SEC22A: variants seen among roughly 807,000 people sequenced by gnomAD.
SEC22A encodes the protein vesicle-trafficking protein SEC22a.
Under a neutral mutation model 35.3 loss-of-function variants are expected in SEC22A, and 22 were observed. The ratio of observed to expected loss-of-function variants is 0.62; its 90% CI spans 0.45 to 0.89. The LOEUF (loss-of-function observed/expected upper bound fraction) is 0.89, where lower values mean the gene tolerates loss of function less well. Ranked by LOEUF, SEC22A falls within the 40% of genes least tolerant of loss-of-function variation. The pLI is 0.00. For missense variants in SEC22A, 354 were observed against 362.5 expected, an observed-to-expected ratio of 0.98 and a Z score of 0.19; for synonymous variants, 119 against 129.5, an observed-to-expected ratio of 0.92 and a Z score of 0.55.
chr3:123,209,253 C>G lies in SEC22A; in HGVS notation c.36C>G (p.Val12=). The change falls in exon 2 of 7, where the codon GTC becomes GTG. Residue 12 remains valine (V), a synonymous_variant. Coordinates refer to ENST00000492595, the MANE Select transcript of SEC22A (RefSeq NM_012430.5). ...SMILSASVIR[V]RDGLPLSAST... is the part of the protein sequence containing the mutation. ...TTTTATCTGCCTCAGTCATTCGTGTCAGAGATGGACTGCCACTTTCTGCTT... is the reference window on the plus strand; with the variant it reads ...TTTTATCTGCCTCAGTCATTCGTGTGAGAGATGGACTGCCACTTTCTGCTT... The G allele has an allele frequency of 6.2e-7, 1 of 1,614,064 alleles. No individual in the cohort carries two copies. Among genetic ancestry groups the G allele is most frequent in the Non-Finnish European group, 8.5e-7 (1 of 1,179,980 alleles).
At chr3:123,222,292 G>A (rs1937138302) in intron 2 of SEC22A, among the ~76,000 whole-genome samples, 1 of 151,940 alleles carries the variant, frequency 6.6e-6, no homozygotes, top group Admixed American at 6.6e-5. Context: ...TCCACCTCCT[G>A]GGTTCAAACG....
chr3:123,206,222 A>G (rs539643161), intron 1 of SEC22A, among the ~76,000 whole-genome samples: 2 of 152,146 alleles, frequency 1.3e-5, no homozygotes, highest in South Asian at 2.1e-4. Context: ...AGCCTCCCCA[A>G]AGCAAGTACT....
chr3:123,235,720 T>C (rs1937407439), intron 4 of SEC22A, among the ~76,000 whole-genome samples: 1 of 152,174 alleles, frequency 6.6e-6, no homozygotes, highest in Admixed American at 6.5e-5. Context: ...CACAAAAATA[T>C]GTGTATGAAT....
chr3:123,238,848 G>A (rs1937474334), intron 4 of SEC22A, among the ~76,000 whole-genome samples: 5 of 152,108 alleles, frequency 3.3e-5, no homozygotes, highest in Non-Finnish European at 7.4e-5. Flanking sequence ...ATTAAATGAA[G>A]GGTACTGTGT....
chr3:123,217,358 C>T (rs1465011124), intron 2 of SEC22A, among the ~76,000 whole-genome samples: 2 of 151,510 alleles, frequency 1.3e-5, no homozygotes, highest in African/African-American at 2.4e-5. Context: ...CCACCACACC[C>T]GGCTAATTTT....
chr3:123,233,654 C>A (rs1016207008), intron 4 of SEC22A, among the ~76,000 whole-genome samples: 29 of 149,828 alleles, frequency 1.9e-4, no homozygotes, highest in South Asian at 4.2e-4. Context: ...AACAAACAAA[C>A]AAAAAAAAAC....
At chr3:123,222,684 A>T (rs1256756684) in intron 2 of SEC22A, among the ~76,000 whole-genome samples, 1 of 152,212 alleles carries the variant, frequency 6.6e-6, no homozygotes, top group Non-Finnish European at 1.5e-5. Flanking sequence ...TTCTCAGGAT[A>T]TAACATCTGG....
chr3:123,270,741 A>G (rs1223310599), intron 6 of SEC22A, among the ~76,000 whole-genome samples: 1 of 152,236 alleles, frequency 6.6e-6, no homozygotes, highest in Non-Finnish European at 1.5e-5. Flanking sequence ...GGTGAATGCC[A>G]GGATGGGCAG....
chr3:123,246,016 T>G lies in SEC22A; in HGVS notation c.657+2T>G. On this transcript the variant is annotated splice_donor_variant, in intron 5 of 6. Transcript: ENST00000492595. LOFTEE classifies it high-confidence loss of function. ...CATGCTATAGAAAGTCTCCTGCAGG[T>G]ACTGTGCTATTTTTGCAATTTCAGG... 6.4e-7 allele frequency: 1 copy of G among 1,557,800 alleles called. No individual in the cohort carries two copies. The highest frequency in any genetic ancestry group is 8.8e-7 in the Non-Finnish European group (1 of 1,131,084).
chr3:123,269,253 G>T, intron 6 of SEC22A, among the ~76,000 whole-genome samples: 1 of 146,254 alleles, frequency 6.8e-6, no homozygotes, highest in East Asian at 2.0e-4. Context: ...TTTTACAGTA[G>T]CATTCCAAGC....
At chr3:123,221,841 T>C (rs1937129425) in intron 2 of SEC22A, among the ~76,000 whole-genome samples, 1 of 152,234 alleles carries the variant, frequency 6.6e-6, no homozygotes, top group Non-Finnish European at 1.5e-5. Flanking sequence ...CATAGTCACC[T>C]TTGGTCAACA....
At chr3:123,230,765 A>G (rs1295913310) in intron 4 of SEC22A, among the ~76,000 whole-genome samples, 2 of 151,654 alleles carry the variant, frequency 1.3e-5, no homozygotes, top group Admixed American at 1.3e-4. Context: ...ATGGATAAGA[A>G]AAAAGGGAAA....
At chr3:123,218,092 A>G (rs965035058) in intron 2 of SEC22A, among the ~76,000 whole-genome samples, 3 of 152,190 alleles carry the variant, frequency 2.0e-5, no homozygotes, top group Non-Finnish European at 4.4e-5. Flanking sequence ...CATTTTGTTG[A>G]ACATAGGAAT....
At chr3:123,210,203 A>G (rs1936917467) in intron 2 of SEC22A, among the ~76,000 whole-genome samples, 1 of 152,192 alleles carries the variant, frequency 6.6e-6, no homozygotes, top group African/African-American at 2.4e-5. Context: ...GTGAAGAATA[A>G]AGGAGGAAGT....
At chr3:123,245,566 G>T (rs1937559473) in intron 4 of SEC22A, among the ~76,000 whole-genome samples, 1 of 152,064 alleles carries the variant, frequency 6.6e-6, no homozygotes, top group Non-Finnish European at 1.5e-5. Flanking sequence ...AGGCATGGTG[G>T]CACGTGCCTG....
chr3:123,214,386 G>C (rs563823188), intron 2 of SEC22A, among the ~76,000 whole-genome samples: 2 of 152,276 alleles, frequency 1.3e-5, no homozygotes, highest in South Asian at 4.2e-4. Context: ...TGTCGTAGTA[G>C]CTACTAAATG....
chr3:123,253,710 C>T (rs186657963), intron 5 of SEC22A, among the ~76,000 whole-genome samples: 1,795 of 118,352 alleles, frequency 0.015, 38 homozygotes, highest in African/African-American at 0.053. Flanking sequence ...AAGACTCCAT[C>T]TCAAAAAAAA....
At chr3:123,221,591 T>C (rs1197440243) in intron 2 of SEC22A, among the ~76,000 whole-genome samples, 1 of 151,858 alleles carries the variant, frequency 6.6e-6, no homozygotes, top group Middle Eastern at 3.2e-3. Flanking sequence ...ATATTGACAG[T>C]GCTATGCAAT....
intron 6 of SEC22A, among the ~76,000 whole-genome samples, chr3:123,265,943 G>C (rs1239283300): frequency 6.6e-6 from 1 of 152,124 alleles, no homozygotes; most frequent in Non-Finnish European, 1.5e-5. Context: ...CTCGATTACT[G>C]TAGCCGTATA....
Sources: gnomAD v4.1 joint callset for allele counts (sites outside exome capture counted in the v4.1 genomes callset) on GRCh38, gnomAD v4.1.1 for gene constraint, MANE v1.5 for transcripts, NCBI Gene and HGNC (gene_info 2026-07-23, HGNC 2026-07-21) for gene names.